The following VSIG1 variants were observed in gnomAD, a reference collection of about 807,000 sequenced individuals.
VSIG1 encodes the protein V-set and immunoglobulin domain-containing protein 1.
VSIG1 carries 11 observed loss-of-function variants against 20.1 expected under a neutral mutation model. That is an observed-to-expected ratio of 0.55 (90% CI 0.34 to 0.91). The LOEUF (loss-of-function observed/expected upper bound fraction) is 0.91, where lower values mean the gene tolerates loss of function less well. Ranked by LOEUF, VSIG1 falls within the 40% of genes least tolerant of loss-of-function variation. The pLI is 0.02. For missense variants in VSIG1, 283 were observed against 298.8 expected (o/e 0.95, Z 0.39); for synonymous variants, 126 against 116.7 (o/e 1.08, Z -0.52).
chrX:108,023,439 C>A, the VSIG1 span, among the ~76,000 whole-genome samples: 1 of 111,962 alleles, frequency 8.9e-6, no homozygotes, highest in South Asian at 3.7e-4. Context: ...ACTTTGATAT[C>A]AGGGTAATGC....
chrX:108,069,133 T>A (rs1389143809), intron 3 of VSIG1, among the ~76,000 whole-genome samples: 1 of 111,531 alleles, frequency 9.0e-6, no homozygotes. Context: ...AGCCCTGAGA[T>A]AAAGTTAGAC....
intron 1 of VSIG1, among the ~76,000 whole-genome samples, chrX:108,050,991 T>C (rs1346370447): frequency 9.0e-6 from 1 of 110,852 alleles, no homozygotes; most frequent in Non-Finnish European, 1.9e-5. Flanking sequence ...GATACCCAAC[T>C]GAACAACAGA....
rs760895200 is a variant in VSIG1 at position 108,067,160 on chromosome X, C to G, written c.412+26C>G. 8.3e-6 allele frequency: 10 copies of G among 1,201,994 alleles called. No individual in the cohort carries two copies. In the South Asian group the frequency reaches 1.8e-4, roughly 21 times the overall value. On this transcript the variant is annotated intron_variant, in intron 3 of 6. Coordinates refer to ENST00000217957, the MANE Select transcript of VSIG1 (RefSeq NM_182607.5). ...GTATGAGCACTTTTTTCTGCTTTTTCTTTTCTTGGAAAAAGTTAGGACACT... is the reference window on the plus strand; with the variant it reads ...GTATGAGCACTTTTTTCTGCTTTTTGTTTTCTTGGAAAAAGTTAGGACACT...
At chrX:108,072,583 C>G in intron 3 of VSIG1, 94 bp from the exon 4 acceptor site, 1 of 892,208 alleles carries the variant, frequency 1.1e-6, no homozygotes, top group Non-Finnish European at 1.6e-6. Flanking sequence ...AATAAACACA[C>G]ATATTATTCA....
chrX:108,070,205 A>C (rs1310828583), intron 3 of VSIG1, among the ~76,000 whole-genome samples: 1 of 112,595 alleles, frequency 8.9e-6, no homozygotes, highest in African/African-American at 3.2e-5. Flanking sequence ...AACCTACTGA[A>C]GCACTTTGTT....
At chrX:108,057,491 A>G (rs1183538148) in intron 1 of VSIG1, among the ~76,000 whole-genome samples, 4 of 112,505 alleles carry the variant, frequency 3.6e-5, no homozygotes, top group Non-Finnish European at 7.5e-5. Context: ...GCAGAATGCT[A>G]CCATTGCTGG....
Position 108,058,206 on chromosome X carries a change from G to C in VSIG1, c.213+5G>C. ...AAGGAGATGGAGCCAATTTCTGTAA[G>C]GACACTTTTTCCTAAACTCTTCCCC... On this transcript the variant is annotated splice_donor_5th_base_variant and intron_variant, in intron 2 of 6. Transcript: ENST00000217957. The C allele has an allele frequency of 8.3e-7, 1 of 1,202,195 alleles. No individual in the cohort carries two copies. Among genetic ancestry groups the C allele is most frequent in the Non-Finnish European group, 1.1e-6 (1 of 890,800 alleles).
Position 108,059,653 on chromosome X carries a change from C to T in VSIG1, c.213+1452C>T, listed in dbSNP as rs186986825. Among the ~76,000 whole-genome samples the T allele has an allele frequency of 1.2e-4, 14 of 112,303 alleles. No homozygotes were observed. The East Asian group carries it at 3.1e-3, about 25-fold the overall frequency. ...TTCCATCACCCAAGATGTCCAGACC[C>T]AAGGCCTTGTATGTAGGAGTCAACT... On this transcript the variant is annotated intron_variant, in intron 2 of 6. Coordinates refer to ENST00000217957, the MANE Select transcript of VSIG1 (RefSeq NM_182607.5).
chrX:108,052,875 A>C (rs770422588), intron 1 of VSIG1, among the ~76,000 whole-genome samples: 9 of 111,467 alleles, frequency 8.1e-5, no homozygotes, highest in Non-Finnish European at 1.7e-4. Context: ...GCTCTTTCTC[A>C]GTTTTCTTTT....
intron 1 of VSIG1, among the ~76,000 whole-genome samples, chrX:108,051,419 C>T (rs2030782857): frequency 1.8e-5 from 2 of 111,908 alleles, no homozygotes; most frequent in Admixed American, 9.5e-5. Context: ...CAGTGATATC[C>T]GATAAACCAA....
intron 1 of VSIG1, among the ~76,000 whole-genome samples, chrX:108,057,310 T>C (rs1383681317): frequency 1.8e-5 from 2 of 112,262 alleles, no homozygotes; most frequent in Non-Finnish European, 3.8e-5. Flanking sequence ...GATGGAACTG[T>C]TCAATATCTT....
intron 1 of VSIG1, among the ~76,000 whole-genome samples, chrX:108,055,118 A>G (rs917854378): frequency 9.0e-6 from 1 of 111,133 alleles, no homozygotes; most frequent in Admixed American, 9.6e-5. Context: ...GAAATGAAAT[A>G]TGGAATATCA....
intron 2 of VSIG1, among the ~76,000 whole-genome samples, chrX:108,061,782 C>T (rs192492425): frequency 6.3e-5 from 7 of 110,321 alleles, no homozygotes; most frequent in African/African-American, 2.3e-4. Context: ...CCAGCTCTTT[C>T]CATAGTCCCA....
the VSIG1 span, among the ~76,000 whole-genome samples, chrX:108,031,440 G>T: frequency 1.8e-5 from 2 of 111,860 alleles, no homozygotes; most frequent in South Asian, 7.5e-4. Context: ...CCATACCAGA[G>T]CTTGAGGATC....
At chrX:108,047,935 CACATATATAT>C (rs2030663899) in intron 1 of VSIG1, among the ~76,000 whole-genome samples, 1 of 38,635 alleles carries the variant, frequency 2.6e-5, no homozygotes, top group Non-Finnish European at 4.0e-5. Context: ...TATATATATA[CACATATATAT>C]ATATATATAC....
intron 2 of VSIG1, among the ~76,000 whole-genome samples, chrX:108,062,513 G>T (rs1602575939): frequency 8.9e-6 from 1 of 112,061 alleles, no homozygotes; most frequent in African/African-American, 3.2e-5. Context: ...ATGGTAAGGT[G>T]TTAGGGACTA....
chrX:108,025,934 G>A, the VSIG1 span, among the ~76,000 whole-genome samples: 21 of 111,594 alleles, frequency 1.9e-4, no homozygotes, highest in African/African-American at 7.0e-4. Context: ...ACTTGTAAAT[G>A]TTCGAAGAAT....
chrX:108,055,409 A>G (rs1270305479), intron 1 of VSIG1, among the ~76,000 whole-genome samples: 1 of 112,041 alleles, frequency 8.9e-6, no homozygotes, highest in Non-Finnish European at 1.9e-5. Flanking sequence ...AGTTTTACAC[A>G]TTCTCTTCCA....
At chrX:108,065,208 A>T (rs1038330338) in intron 2 of VSIG1, among the ~76,000 whole-genome samples, 10 of 111,973 alleles carry the variant, frequency 8.9e-5, no homozygotes, top group Non-Finnish European at 1.7e-4. Flanking sequence ...ATACATTTGA[A>T]TTCATCTAGA....
Sources: gnomAD v4.1 joint callset for allele counts (sites outside exome capture counted in the v4.1 genomes callset) on GRCh38, gnomAD v4.1.1 for gene constraint, MANE v1.5 for transcripts, NCBI Gene and HGNC (gene_info 2026-07-23, HGNC 2026-07-21) for gene names.